The following DST variants were observed in gnomAD, a reference collection of about 807,000 sequenced individuals.
DST encodes dystonin, also known as bullous pemphigoid antigen.
In DST, 253 loss-of-function variants were observed where a neutral mutation model predicts 875.2. That is an observed-to-expected ratio of 0.29 (90% CI 0.26 to 0.32). The LOEUF (loss-of-function observed/expected upper bound fraction) is 0.32, where lower values mean the gene tolerates loss of function less well. Among genes scored for constraint, DST ranks in the 10% least tolerant of loss-of-function variants. The probability of loss-of-function intolerance (pLI) is 1.00; values close to 1 mark genes in which losing one functional copy is unlikely to be tolerated. For synonymous variants in DST, 3,124 were observed against 3,197.1 expected (o/e 0.98, Z 0.77); for missense variants, 8,287 against 9,111.6 (o/e 0.91, Z 3.68).
chr6:56,919,357 C>T (rs923066094), intron 2 of DST, among the ~76,000 whole-genome samples: 1 of 152,060 alleles, frequency 6.6e-6, no homozygotes, highest in African/African-American at 2.4e-5. Flanking sequence ...ATCATATGTA[C>T]ATTTTAATCC....
intron 75 of DST, among the ~76,000 whole-genome samples, chr6:56,507,174 GT>G (rs2096343577): frequency 6.6e-6 from 1 of 152,100 alleles, no homozygotes; most frequent in South Asian, 2.1e-4. Context: ...TAATATATTT[GT>G]TAGTAGATTT....
chr6:56,913,063 A>C (rs1325609415), intron 2 of DST, among the ~76,000 whole-genome samples: 1 of 152,208 alleles, frequency 6.6e-6, no homozygotes, highest in Non-Finnish European at 1.5e-5. Flanking sequence ...AACAAAACTA[A>C]GACAAAAAGA....
At chr6:56,615,442 G>A (rs1463491971) in intron 36 of DST, 3 of 1,604,934 alleles carry the variant, frequency 1.9e-6, no homozygotes, top group Admixed American at 1.7e-5. Flanking sequence ...ATATGTAGCC[G>A]ATATCATCAT....
At chr6:56,665,944 T>C (rs954500229) in intron 10 of DST, among the ~76,000 whole-genome samples, 1 of 152,210 alleles carries the variant, frequency 6.6e-6, no homozygotes, top group Admixed American at 6.5e-5. Context: ...AACTGCCACA[T>C]GGCCAACATG....
intron 2 of DST, among the ~76,000 whole-genome samples, chr6:56,943,901 G>A (rs1412773187): frequency 6.6e-6 from 1 of 152,012 alleles, no homozygotes; most frequent in East Asian, 1.9e-4. Context: ...TGGATCACTT[G>A]AAGTCAGGAG....
chr6:56,526,242 C>G, intron 69 of DST, 119 bp downstream of exon 69: 1 of 1,119,590 alleles, frequency 8.9e-7, no homozygotes. Flanking sequence ...TCCACTCTTT[C>G]ATTTTGGAAG....
At chr6:56,709,303 A>G (rs1385627965) in intron 5 of DST, among the ~76,000 whole-genome samples, 2 of 152,234 alleles carry the variant, frequency 1.3e-5, no homozygotes, top group Admixed American at 6.5e-5. Flanking sequence ...TGGCGATGAC[A>G]TGGACAATAT....
chr6:56,743,327 A>G (rs1266180758), intron 4 of DST, among the ~76,000 whole-genome samples: 1 of 152,192 alleles, frequency 6.6e-6, no homozygotes, highest in Non-Finnish European at 1.5e-5. Context: ...CCACCATTCA[A>G]TCACACCACA....
intron 4 of DST, among the ~76,000 whole-genome samples, chr6:56,769,381 TA>T (rs757415676): frequency 7.2e-5 from 11 of 152,204 alleles, no homozygotes; most frequent in Non-Finnish European, 1.2e-4. Context: ...AGTTGTTTCT[TA>T]CAAAGCTAAA....
At position 56,609,319 on chromosome 6, in the gene DST, A is replaced by C; in HGVS notation, c.5309T>G (p.Ile1770Ser). The change falls in exon 40 of 104, where the codon ATT (isoleucine) becomes AGT (serine). Residue 1770 changes from isoleucine to serine, a missense_variant. Around this residue, in one of 10 missense-constraint regions of DST, gnomAD observed 3,138 missense variants for 3,116.6 expected, o/e 1.01. Coordinates refer to ENST00000680361, the MANE Select transcript of DST (RefSeq NM_001374736.1). Reference sequence around the variant, plus strand: ...AAGGACTTCTCCAGTTGTCTGATCAATGGTGCCTGCAATCACTTTATCCAG... The same window carrying C: ...AAGGACTTCTCCAGTTGTCTGATCACTGGTGCCTGCAATCACTTTATCCAG... ...EKLDKVIAGT[I>S]DQTTGEVLSV... The C allele has an allele frequency of 6.2e-7, 1 of 1,609,950 alleles. No individual in the cohort carries two copies. The highest frequency in any genetic ancestry group is 8.5e-7 in the Non-Finnish European group (1 of 1,177,848).
At chr6:56,654,542 A>G (rs2098993335) in intron 10 of DST, among the ~76,000 whole-genome samples, 1 of 150,410 alleles carries the variant, frequency 6.6e-6, no homozygotes, top group African/African-American at 2.5e-5. Context: ...AGTAATGTTT[A>G]TCTTTCATAC....
In DST at chr6:56,908,822, A is replaced by G. The variant is rs189376331; in HGVS notation, c.217-8201T>C. ...GACCTACAGTCGTCCTCACTGCTACACTCCGCCCACCGCCATGACAGTTTA... is the reference window on the plus strand; with the variant it reads ...GACCTACAGTCGTCCTCACTGCTACGCTCCGCCCACCGCCATGACAGTTTA... On this transcript the variant is annotated intron_variant, in intron 2 of 103. Transcript: ENST00000680361. Among the ~76,000 whole-genome samples, 931 of 152,184 alleles carry G rather than the reference A, an allele frequency of 6.1e-3. 13 individuals are homozygous for G. Among genetic ancestry groups the G allele is most frequent in the African/African-American group, 0.021 (882 of 41,508 alleles).
chr6:56,535,289 C>A lies in DST; in HGVS notation c.16774G>T (p.Ala5592Ser). Residue 5592 changes from alanine (A) to serine (S), a missense_variant, in exon 63 of 104, where the codon GCT becomes TCT. By Grantham distance (99) the Ala-to-Ser change is moderately conservative. Around this residue, in one of 10 missense-constraint regions of DST, gnomAD observed 777 missense variants for 764.8 expected, o/e 1.02. Transcript: ENST00000680361. Reference protein sequence around the residue: ...ARWKTLNKKVAQRAAQLQEAL... With the variant: ...ARWKTLNKKVSQRAAQLQEAL... ...TCCTGCAGCTGGGCTGCTCGCTGAGCCACCTGCAAAGTGCCAATTGTTTCC... is the reference window on the plus strand; with the variant it reads ...TCCTGCAGCTGGGCTGCTCGCTGAGACACCTGCAAAGTGCCAATTGTTTCC... 1 of 1,567,286 alleles carries A rather than the reference C, an allele frequency of 6.4e-7. No homozygotes were observed. The highest frequency in any genetic ancestry group is 8.6e-7 in the Non-Finnish European group (1 of 1,165,866).
chr6:56,614,261 AG>A, intron 37 of DST, 94 bp downstream of exon 37: 2 of 1,161,188 alleles, frequency 1.7e-6, no homozygotes, highest in Non-Finnish European at 2.3e-6. Context: ...GGGAAAATTA[AG>A]GTAAAAATTA....
chr6:56,895,062 A>C (rs1369858111), intron 3 of DST, among the ~76,000 whole-genome samples: 1 of 93,712 alleles, frequency 1.1e-5, no homozygotes, highest in African/African-American at 5.8e-5. Flanking sequence ...GGACGGGGCG[A>C]CTGGCCGGGC....
chr6:56,491,820 A>C lies in DST; in HGVS notation c.20757+407T>G, dbSNP rs112216633. On this transcript the variant is annotated intron_variant, in intron 85 of 103. Coordinates refer to ENST00000680361, the MANE Select transcript of DST (RefSeq NM_001374736.1). The stretch of plus-strand genomic sequence containing the variant: ...TCTCAGCACTGATAGCTTGTGAAGA[A>C]AGTCTGGCTTAGGAACTAAACAAAA... 2.4e-3 allele frequency among the ~76,000 whole-genome samples: 360 copies of C among 152,290 alleles called. 1 individual carries two copies. The highest frequency in any genetic ancestry group is 8.5e-3 in the African/African-American group (355 of 41,558).
intron 4 of DST, among the ~76,000 whole-genome samples, chr6:56,794,003 T>A (rs1038016419): frequency 2.0e-5 from 3 of 152,246 alleles, no homozygotes; most frequent in Non-Finnish European, 4.4e-5. Context: ...ACCAACACAG[T>A]GTTTATAGGG....
At chr6:56,617,153 T>C (rs2098635144) in intron 36 of DST, 1 of 1,603,240 alleles carries the variant, frequency 6.2e-7, no homozygotes, top group Non-Finnish European at 8.5e-7. Flanking sequence ...GTCCAGAAGC[T>C]TAGCTTCCAC....
At chr6:56,849,840 C>T (rs1764150658) in intron 4 of DST, among the ~76,000 whole-genome samples, 1 of 152,212 alleles carries the variant, frequency 6.6e-6, no homozygotes, top group African/African-American at 2.4e-5. Context: ...GCACCTTCTA[C>T]CTTCCAAAAA....
Sources: allele counts gnomAD v4.1 joint callset (sites outside exome capture counted in the v4.1 genomes callset), GRCh38; gene constraint gnomAD v4.1.1; regional missense constraint gnomAD v4.1.1; transcripts MANE v1.5; gene names NCBI Gene and HGNC (gene_info 2026-07-23, HGNC 2026-07-21).